Variants in CATSPERE observed in about 807,000 individuals in gnomAD.
The protein encoded by CATSPERE is catsper channel auxiliary subunit epsilon.
CATSPERE carries 93 observed loss-of-function variants against 114.1 expected under a neutral mutation model. The ratio of observed to expected loss-of-function variants is 0.81; its 90% CI spans 0.69 to 0.97. CATSPERE has a LOEUF of 0.97. Among genes scored for constraint, CATSPERE ranks in the 50% least tolerant of loss-of-function variants. The probability of loss-of-function intolerance (pLI) is 0.00; values close to 1 mark genes in which losing one functional copy is unlikely to be tolerated. For synonymous variants in CATSPERE, 341 were observed against 384.1 expected (o/e 0.89, Z 1.31); for missense variants, 1,058 against 1,131.6 (o/e 0.93, Z 0.93).
chr1:244,502,989 T>C (rs555586567), intron 7 of CATSPERE, among the ~76,000 whole-genome samples: 114 of 152,180 alleles, frequency 7.5e-4, no homozygotes, highest in African/African-American at 2.7e-3. Flanking sequence ...GCAGAATAGG[T>C]TTCCACGGGC....
At chr1:244,499,360 T>G (rs1421660931) in intron 7 of CATSPERE, among the ~76,000 whole-genome samples, 1 of 152,210 alleles carries the variant, frequency 6.6e-6, no homozygotes, top group Non-Finnish European at 1.5e-5. Context: ...AGTTCAGAGA[T>G]ATATGTACAG....
chr1:244,459,548 A>G (rs567980329), upstream of CATSPERE, among the ~76,000 whole-genome samples: 2 of 152,344 alleles, frequency 1.3e-5, no homozygotes, highest in Non-Finnish European at 2.9e-5. Flanking sequence ...CGGTTCTATC[A>G]TGGTTTGTTT....
At chr1:244,599,821 G>A (rs1156302549) in intron 17 of CATSPERE, among the ~76,000 whole-genome samples, 1 of 152,200 alleles carries the variant, frequency 6.6e-6, no homozygotes, top group Non-Finnish European at 1.5e-5. Context: ...CCAGACTGCA[G>A]GGGGTTTGCA....
At chr1:244,509,004 G>C (rs1405775314) in intron 7 of CATSPERE, among the ~76,000 whole-genome samples, 1 of 150,508 alleles carries the variant, frequency 6.6e-6, no homozygotes, top group Non-Finnish European at 1.5e-5. Context: ...AAAAAATTGT[G>C]TCATTGTGTC....
intron 17 of CATSPERE, among the ~76,000 whole-genome samples, chr1:244,605,491 C>G (rs1315510268): frequency 1.3e-5 from 2 of 152,036 alleles, no homozygotes; most frequent in Non-Finnish European, 2.9e-5. Context: ...TCAAAAGACA[C>G]CTAAACAATA....
At chr1:244,609,891 C>T (rs1241787212) in intron 18 of CATSPERE, among the ~76,000 whole-genome samples, 1 of 152,036 alleles carries the variant, frequency 6.6e-6, no homozygotes, top group Admixed American at 6.6e-5. Context: ...AATTAAAAAA[C>T]TAAAAGTTAG....
chr1:244,514,700 G>T (rs1676312080), intron 7 of CATSPERE, among the ~76,000 whole-genome samples: 1 of 151,856 alleles, frequency 6.6e-6, no homozygotes, highest in African/African-American at 2.4e-5. Context: ...GTTGTGGCAG[G>T]CACCTGTAGT....
chr1:244,479,263 T>C lies in CATSPERE; in HGVS notation c.259-454T>C, dbSNP rs150549046. ...CATGTGCCACCACACCCAGCTAATG[T>C]TGTATTTTGAGCAGAGATGGGGTTT... On this transcript the variant is annotated intron_variant, in intron 4 of 21. Transcript: ENST00000366534. Among the ~76,000 whole-genome samples, 111 of 152,022 alleles carry C rather than the reference T, an allele frequency of 7.3e-4. No homozygotes were observed. The East Asian group carries it at 0.021, about 29-fold the overall frequency.
Position 244,499,078 on chromosome 1 carries a change from T to C in CATSPERE, c.428T>C (p.Ile143Thr), listed in dbSNP as rs757920536. The change falls in exon 7 of 22, where the codon ATA becomes ACA. Residue 143 changes from isoleucine to threonine, a missense_variant and splice_region_variant. By Grantham distance (89) the Ile-to-Thr change is moderately conservative. Around this residue, in one of 2 missense-constraint regions of CATSPERE, gnomAD observed 271 missense variants for 225.9 expected, o/e 1.20. Coordinates refer to ENST00000366534, the MANE Select transcript of CATSPERE (RefSeq NM_001130957.2). Reference protein sequence around the residue: ...ELLGNAEEPSINSIVLSTQMA... With the variant: ...ELLGNAEEPSTNSIVLSTQMA... ...CTGGGGAATGCAGAAGAACCTTCAA[T>C]AGTAGGTGGAAACATTAGTATCGTC... The C allele has an allele frequency of 1.2e-6, 2 of 1,604,576 alleles. No individual in the cohort carries two copies. Among genetic ancestry groups the C allele is most frequent in the East Asian group, 2.2e-5 (1 of 44,772 alleles).
At chr1:244,639,117 C>T (rs186873889) in intron 21 of CATSPERE, among the ~76,000 whole-genome samples, 3 of 152,320 alleles carry the variant, frequency 2.0e-5, no homozygotes, top group Non-Finnish European at 4.4e-5. Context: ...TCCAACCACT[C>T]CCCTTGGCAC....
intron 19 of CATSPERE, 132 bp downstream of exon 19, chr1:244,610,458 A>C (rs1177764107): frequency 1.4e-6 from 1 of 721,274 alleles, no homozygotes; most frequent in East Asian, 2.7e-5. Flanking sequence ...TTTTATATTA[A>C]ATTGTATCAT....
intron 8 of CATSPERE, among the ~76,000 whole-genome samples, chr1:244,546,083 T>C (rs1184331614): frequency 1.3e-5 from 2 of 152,226 alleles, no homozygotes; most frequent in Non-Finnish European, 2.9e-5. Flanking sequence ...ATCTCTGGCC[T>C]GCATCACTGC....
chr1:244,560,619 C>G (rs950118554), intron 9 of CATSPERE, 49 bp from the exon 10 acceptor site: 4 of 1,032,146 alleles, frequency 3.9e-6, no homozygotes, highest in Non-Finnish European at 5.3e-6. Context: ...ATTGTTAGGC[C>G]CGTCTCTAAA....
At position 244,503,673 on chromosome 1, in the gene CATSPERE, G is replaced by A. The variant is rs574794889; in HGVS notation, c.429+4594G>A. 3.1e-3 allele frequency among the ~76,000 whole-genome samples: 465 copies of A among 152,246 alleles called. 1 individual carries two copies. Among genetic ancestry groups the A allele is most frequent in the Non-Finnish European group, 5.3e-3 (363 of 68,010 alleles). On this transcript the variant is annotated intron_variant, in intron 7 of 21. Coordinates refer to ENST00000366534, the MANE Select transcript of CATSPERE (RefSeq NM_001130957.2). ...AGTGGCACAATCATGGCTCACTGCA[G>A]CCTCAGCCTCCTGGGCTCAAGTGAT...
intron 18 of CATSPERE, among the ~76,000 whole-genome samples, chr1:244,608,918 T>C (rs933462635): frequency 6.6e-6 from 1 of 152,000 alleles, no homozygotes; most frequent in African/African-American, 2.4e-5. Flanking sequence ...TTGGAGCTGA[T>C]CACTTTCAGA....
At position 244,479,671 on chromosome 1, in the gene CATSPERE, T is replaced by C. The variant is rs760013654; in HGVS notation, c.259-46T>C. On this transcript the variant is annotated intron_variant, in intron 4 of 21. Transcript: ENST00000366534. ...CTGTGGCTATATCCATATTTGCATT[T>C]GATTTAATGTTAATATATCACAGTT... 2.4e-6 allele frequency: 3 copies of C among 1,224,564 alleles called. No homozygotes were observed. In the African/African-American group the frequency reaches 4.5e-5, roughly 18 times the overall value. 75.9% of individuals were successfully genotyped at this position (1,224,564 alleles called of 1,614,324 possible).
intron 6 of CATSPERE, among the ~76,000 whole-genome samples, chr1:244,494,074 C>T (rs1314090393): frequency 6.6e-6 from 1 of 152,050 alleles, no homozygotes; most frequent in East Asian, 1.9e-4. Context: ...ACTAGAAATA[C>T]CATTTGACCC....
chr1:244,502,075 C>T (rs1164570982), intron 7 of CATSPERE, among the ~76,000 whole-genome samples: 1 of 152,046 alleles, frequency 6.6e-6, no homozygotes, highest in Non-Finnish European at 1.5e-5. Flanking sequence ...CTGCCATAAC[C>T]GAATCAGGGC....
intron 8 of CATSPERE, among the ~76,000 whole-genome samples, chr1:244,528,253 A>G (rs3003260): frequency 0.13 from 19,566 of 152,204 alleles, 2,192 homozygotes; most frequent in African/African-American, 0.3. Flanking sequence ...TTTGCTGAGC[A>G]TAATGGCTTC....
Sources: allele counts gnomAD v4.1 joint callset (sites outside exome capture counted in the v4.1 genomes callset), GRCh38; gene constraint gnomAD v4.1.1; regional missense constraint gnomAD v4.1.1; transcripts MANE v1.5; gene names NCBI Gene and HGNC (gene_info 2026-07-23, HGNC 2026-07-21).